The following SAMD3 variants were observed in gnomAD, a reference collection of about 807,000 sequenced individuals.
SAMD3 encodes sterile alpha motif domain containing 3.
SAMD3 carries 63 observed loss-of-function variants against 58.5 expected under a neutral mutation model. That is an observed-to-expected ratio of 1.08 (90% CI 0.88 to 1.33). SAMD3 has a LOEUF of 1.33. Among genes scored for constraint, SAMD3 ranks in the 40% most tolerant of loss-of-function variants. The pLI is 0.00. For synonymous variants in SAMD3, 220 were observed against 210.3 expected (o/e 1.05, Z -0.40); for missense variants, 604 against 608.4 (o/e 0.99, Z 0.08).
chr6:130,295,899 A>G (rs1010194577), intron 2 of SAMD3, among the ~76,000 whole-genome samples: 1 of 152,154 alleles, frequency 6.6e-6, no homozygotes, highest in African/African-American at 2.4e-5. Flanking sequence ...AGTTTTCCCA[A>G]ACATAGACAC....
At chr6:130,345,435 G>A (rs1777415889) in intron 1 of SAMD3, among the ~76,000 whole-genome samples, 1 of 152,178 alleles carries the variant, frequency 6.6e-6, no homozygotes, top group African/African-American at 2.4e-5. Context: ...ACCCAGGAGT[G>A]TTTTGGATAA....
At chr6:130,217,706 C>A (rs1796072058) in intron 1 of SAMD3, among the ~76,000 whole-genome samples, 1 of 152,220 alleles carries the variant, frequency 6.6e-6, no homozygotes, top group African/African-American at 2.4e-5. Context: ...ACATACAAAA[C>A]ATTCGACCAC....
chr6:130,270,543 G>A (rs1209009843), intron 2 of SAMD3, among the ~76,000 whole-genome samples: 1 of 152,180 alleles, frequency 6.6e-6, no homozygotes, highest in Non-Finnish European at 1.5e-5. Context: ...AGGTAAAAGG[G>A]TTAAACAAGC....
chr6:130,311,366 G>A (rs1776152294), intron 2 of SAMD3, among the ~76,000 whole-genome samples: 2 of 152,178 alleles, frequency 1.3e-5, no homozygotes, highest in African/African-American at 4.8e-5. Context: ...TGAAGGCACA[G>A]GCAAGGAGGG....
chr6:130,260,832 A>G (rs1419165747), intron 2 of SAMD3, among the ~76,000 whole-genome samples: 2 of 152,182 alleles, frequency 1.3e-5, no homozygotes, highest in East Asian at 3.9e-4. Context: ...GTGGCTGAAC[A>G]CCGGGAAGGA....
chr6:130,229,934 T>C (rs1177113456), intron 2 of SAMD3, among the ~76,000 whole-genome samples: 1 of 152,208 alleles, frequency 6.6e-6, no homozygotes, highest in Non-Finnish European at 1.5e-5. Context: ...CTCTGAAATA[T>C]AGGTAAGTTT....
At chr6:130,236,534 C>T (rs1451244159) in intron 2 of SAMD3, among the ~76,000 whole-genome samples, 1 of 152,120 alleles carries the variant, frequency 6.6e-6, no homozygotes, top group Non-Finnish European at 1.5e-5. Flanking sequence ...CAGGCGCCCA[C>T]CACCGCACCC....
At chr6:130,312,310 T>A (rs1049113802) in intron 2 of SAMD3, among the ~76,000 whole-genome samples, 1 of 152,176 alleles carries the variant, frequency 6.6e-6, no homozygotes, top group Non-Finnish European at 1.5e-5. Flanking sequence ...GCAGAAGGCA[T>A]TTTCCACTGA....
intron 1 of SAMD3, among the ~76,000 whole-genome samples, chr6:130,340,960 T>A (rs1241115083): frequency 2.0e-5 from 3 of 152,240 alleles, no homozygotes; most frequent in African/African-American, 7.2e-5. Context: ...TGTGTCATCC[T>A]TGAGTGAAAT....
intron 5 of SAMD3, among the ~76,000 whole-genome samples, chr6:130,195,158 A>T (rs1793973632): frequency 6.6e-6 from 1 of 152,016 alleles, no homozygotes; most frequent in Non-Finnish European, 1.5e-5. Context: ...CTACAGCCGC[A>T]TCTCATTGCT....
At chr6:130,225,861 G>T (rs1249203797), upstream of SAMD3, among the ~76,000 whole-genome samples, 10 of 152,208 alleles carry the variant, frequency 6.6e-5, no homozygotes, top group Non-Finnish European at 1.5e-4. Context: ...GCTTGCCTGG[G>T]CACCTATTCC....
At position 130,184,578 on chromosome 6, in the gene SAMD3, C is replaced by T; in HGVS notation, c.429G>A (p.Trp143Ter). Residue 143 changes from tryptophan (W) to a stop codon, truncating the protein, a stop_gained, in exon 6 of 12, where the codon TGG becomes TGA. Coordinates refer to ENST00000439090, the MANE Select transcript of SAMD3 (RefSeq NM_001017373.4). LOFTEE classifies it high-confidence loss of function. Reference protein sequence around the residue: ...QILARSKALQWTKSYVLPEFP... With the variant: ...QILARSKALQ ...ACTCTGGTAAAACATAGGACTTCGT[C>T]CACTGTAATGCTTTGCTTCTTGCTA... is the stretch of plus-strand genomic sequence containing the variant. 1 of 1,613,974 alleles carries T rather than the reference C, an allele frequency of 6.2e-7. No individual in the cohort carries two copies. The highest frequency in any genetic ancestry group is 8.5e-7 in the Non-Finnish European group (1 of 1,179,928).
chr6:130,205,712 A>G (rs992786864), intron 5 of SAMD3, among the ~76,000 whole-genome samples: 1 of 152,216 alleles, frequency 6.6e-6, no homozygotes, highest in African/African-American at 2.4e-5. Context: ...TGAAGCACTT[A>G]TAGTCTAATG....
intron 1 of SAMD3, among the ~76,000 whole-genome samples, chr6:130,313,292 GC>G (rs1431831746): frequency 2.6e-5 from 4 of 152,128 alleles, no homozygotes; most frequent in Non-Finnish European, 5.9e-5. Flanking sequence ...TTGTTGTGTG[GC>G]GCTGGCCTGT....
intron 8 of SAMD3, chr6:130,159,662 A>G (rs1790105752): frequency 6.6e-6 from 1 of 152,208 alleles, no homozygotes; most frequent in Non-Finnish European, 1.5e-5. Context: ...TAAAATTGCA[A>G]CCTTGTCTTT....
chr6:130,309,305 C>T (rs1364950234), intron 2 of SAMD3, among the ~76,000 whole-genome samples: 1 of 152,156 alleles, frequency 6.6e-6, no homozygotes, highest in African/African-American at 2.4e-5. Context: ...CCAGCTCTAG[C>T]TTGTATGACT....
At chr6:130,329,425 A>C (rs1215844259) in intron 1 of SAMD3, among the ~76,000 whole-genome samples, 1 of 152,178 alleles carries the variant, frequency 6.6e-6, no homozygotes, top group Non-Finnish European at 1.5e-5. Flanking sequence ...TGGCAGTAGA[A>C]TGAAATTTTT....
rs370213784 is a variant in SAMD3, at chr6:130,180,953, C to CTTTTTTTTTTTTTTTTTTT, written c.654+3149_654+3150insAAAAAAAAAAAAAAAAAAA. On this transcript the variant is annotated intron_variant, in intron 7 of 11. Transcript: ENST00000439090. ...TTTTCTTTTTTCTTTTTCTTTCTTT[C>CTTTTTTTTTTTTTTTTTTT]TTTTTTCTTTTGAGACGGAGTTCCG... Among the ~76,000 whole-genome samples, 50 of 117,346 alleles carry CTTTTTTTTTTTTTTTTTTT rather than the reference C, an allele frequency of 4.3e-4. 3 individuals are homozygous for CTTTTTTTTTTTTTTTTTTT. Among genetic ancestry groups the CTTTTTTTTTTTTTTTTTTT allele is most frequent in the Non-Finnish European group, 4.9e-4 (28 of 57,228 alleles). The allele number at this position is 117,346 out of a possible 152,430, so 77.0% of individuals were successfully genotyped here.
At chr6:130,184,670 T>G (rs910839884) in intron 5 of SAMD3, 47 bp from the exon 6 acceptor site, 2 of 1,488,492 alleles carry the variant, frequency 1.3e-6, no homozygotes, top group Non-Finnish European at 1.8e-6. Context: ...TCCAAATATA[T>G]GCAGTTTATT....
Sources: allele counts gnomAD v4.1 joint callset (sites outside exome capture counted in the v4.1 genomes callset), GRCh38; gene constraint gnomAD v4.1.1; transcripts MANE v1.5; gene names NCBI Gene and HGNC (gene_info 2026-07-23, HGNC 2026-07-21).